Variants in ATCAY observed in about 807,000 individuals in gnomAD.
The protein encoded by ATCAY is ATCAY kinesin light chain interacting caytaxin.
ATCAY carries 22 observed loss-of-function variants against 47.7 expected under a neutral mutation model. The observed-to-expected ratio is 0.46, with a 90% CI of 0.33 to 0.66. The LOEUF (loss-of-function observed/expected upper bound fraction) is 0.66, where lower values mean the gene tolerates loss of function less well. Among genes scored for constraint, ATCAY ranks in the 30% least tolerant of loss-of-function variants. The pLI, the probability that ATCAY is intolerant of heterozygous loss-of-function variation, is 0.02. For synonymous variants in ATCAY, 216 were observed against 207.6 expected (o/e 1.04, Z -0.35); for missense variants, 452 against 515.0 (o/e 0.88, Z 1.18).
intron 2 of ATCAY, among the ~76,000 whole-genome samples, chr19:3,897,586 C>A (rs961115477): frequency 2.6e-5 from 4 of 151,972 alleles, no homozygotes; most frequent in African/African-American, 9.7e-5. Flanking sequence ...TGTGCCACCT[C>A]ATGCCCAGCC....
rs778950504 is a variant in ATCAY at position 3,907,847 on chromosome 19, A to G, written c.472A>G (p.Ile158Val). Residue 158 changes from isoleucine (I) to valine (V), a missense_variant, in exon 5 of 13, where the codon ATC becomes GTC. Physicochemically the swap from Ile to Val is conservative, Grantham distance 29. Coordinates refer to ENST00000450849, the MANE Select transcript of ATCAY (RefSeq NM_033064.5). This position sits in a 1 kb window ranked among gnomAD's most constrained non-coding sequence, Gnocchi z 5.1. The stretch of plus-strand genomic sequence containing the variant: ...CAACGGGCGCCTGTGGCGGACAGTG[A>G]TCATCGGGGAGCAAGAGCACCGTAT... ...AANGRLWRTV[I>V]IGEQEHRIDL... 5.0e-6 allele frequency: 8 copies of G among 1,613,826 alleles called. No individual in the cohort carries two copies. Among genetic ancestry groups the G allele is most frequent in the Non-Finnish European group, 5.9e-6 (7 of 1,179,858 alleles).
At position 3,922,169 on chromosome 19, in the gene ATCAY, C is replaced by G; in HGVS notation, c.1106+1371C>G. On this transcript the variant is annotated intron_variant, in intron 12 of 12. Transcript: ENST00000450849. ...CATGGCTTTTCTTAGCCTCCAGCCCCTGCACAGATCAAGCTGATGCCACGT... is the reference window on the plus strand; with the variant it reads ...CATGGCTTTTCTTAGCCTCCAGCCCGTGCACAGATCAAGCTGATGCCACGT... 3 of 702,338 alleles carry G rather than the reference C, an allele frequency of 4.3e-6. No homozygotes were observed. In the Admixed American group the frequency reaches 6.0e-5, roughly 14 times the overall value. The allele number at this position is 702,338 out of a possible 1,614,324, so 43.5% of individuals were successfully genotyped here. A position where few individuals can be genotyped will look rare whatever the true frequency, so the allele number is the denominator to read the frequency against.
chr19:3,914,235 C>CAGAAAAAA (rs564409927), intron 9 of ATCAY, among the ~76,000 whole-genome samples: 2 of 62,570 alleles, frequency 3.2e-5, no homozygotes, highest in South Asian at 6.5e-4. Flanking sequence ...GACTCCATCG[C>CAGAAAAAA]AAAAAAAAAA....
intron 2 of ATCAY, among the ~76,000 whole-genome samples, chr19:3,892,725 T>C (rs1431584869): frequency 6.6e-6 from 1 of 152,040 alleles, no homozygotes; most frequent in Non-Finnish European, 1.5e-5. Context: ...TAGGCCAACA[T>C]GGTGAAACCC....
At chr19:3,915,614 C>T (rs538434104) in intron 9 of ATCAY, among the ~76,000 whole-genome samples, 9 of 150,496 alleles carry the variant, frequency 6.0e-5, no homozygotes, top group East Asian at 1.9e-4. Flanking sequence ...TGCAGTGGCA[C>T]GATCTCGGGT....
At chr19:3,881,216 T>G (rs1568441389) in intron 1 of ATCAY, among the ~76,000 whole-genome samples, 1 of 151,886 alleles carries the variant, frequency 6.6e-6, no homozygotes. Flanking sequence ...CAACACAGTT[T>G]ACCTTCCGCG....
chr19:3,899,831 C>T (rs879781927), intron 2 of ATCAY, among the ~76,000 whole-genome samples: 3 of 152,116 alleles, frequency 2.0e-5, no homozygotes, highest in African/African-American at 4.8e-5. Context: ...GCCAAGGAGC[C>T]AGTGCTCCTG....
At chr19:3,893,543 A>G (rs1300262140) in intron 2 of ATCAY, 1 of 152,144 alleles carries the variant, frequency 6.6e-6, no homozygotes, top group Non-Finnish European at 1.5e-5. Flanking sequence ...CAGAGGGCTA[A>G]GTGGATATAT....
At chr19:3,903,982 CAA>C (rs59631453) in intron 3 of ATCAY, among the ~76,000 whole-genome samples, 5,311 of 78,942 alleles carry the variant, frequency 0.067, 304 homozygotes, top group African/African-American at 0.18. Flanking sequence ...ACTAAAGATA[CAA>C]AAAAAAAAAA....
At chr19:3,884,015 G>C (rs1277174950) in intron 1 of ATCAY, among the ~76,000 whole-genome samples, 1 of 151,970 alleles carries the variant, frequency 6.6e-6, no homozygotes, top group East Asian at 1.9e-4. Context: ...AAACTGGTGT[G>C]GGGGGTGGGG....
At chr19:3,913,639 TG>T in intron 8 of ATCAY, 118 bp from the exon 9 acceptor site, 1 of 717,520 alleles carries the variant, frequency 1.4e-6, no homozygotes, top group Admixed American at 2.2e-5. Flanking sequence ...TCGTCTGCAC[TG>T]GGGCATCCTG....
In ATCAY at chr19:3,924,931, T is replaced by C. The variant is rs4807529; in HGVS notation, c.*339T>C. ...GTGGCCTCCGCTCCTGCTCGCAGCC[T>C]CTGTGGTCAGAGCTGGATACAAGAT... On this transcript the variant is annotated 3_prime_UTR_variant, in exon 13 of 13. Coordinates refer to ENST00000450849, the MANE Select transcript of ATCAY (RefSeq NM_033064.5). 1 allele frequency: 308,983 copies of C among 309,994 alleles called. 153,986 individuals are homozygous for C. The highest frequency in any genetic ancestry group is 1 in the Middle Eastern group (1,004 of 1,004). 19.2% of individuals were successfully genotyped at this position (309,994 alleles called of 1,614,324 possible).
At chr19:3,902,431 T>C in intron 2 of ATCAY, 56 bp from the exon 3 acceptor site, 1 of 1,532,014 alleles carries the variant, frequency 6.5e-7, no homozygotes, top group South Asian at 1.2e-5. Context: ...TCCACTGTCC[T>C]CTGCCTGAAT....
Position 3,917,764 on chromosome 19 carries a change from G to T in ATCAY, c.988G>T (p.Ala330Ser). The T allele has an allele frequency of 1.2e-6, 2 of 1,613,472 alleles. No individual in the cohort carries two copies. Among genetic ancestry groups the T allele is most frequent in the Non-Finnish European group, 1.7e-6 (2 of 1,179,768 alleles). Residue 330 changes from alanine to serine, a missense_variant, in exon 10 of 13, where the codon GCC becomes TCC. Transcript: ENST00000450849. ...CAGATACGAAGAGGAAAGACTGAAG[G>T]CCAGGAGGGAGAGGTGTGTGCAGAG... ...VLQYEEERLK[A>S]RRESARPQPE...
intron 9 of ATCAY, among the ~76,000 whole-genome samples, chr19:3,916,783 T>TTTG (rs957580287): frequency 7.4e-5 from 11 of 149,528 alleles, no homozygotes; most frequent in Admixed American, 5.3e-4. Flanking sequence ...CAGCCTGTTT[T>TTTG]TTGTTGTTGT....
intron 2 of ATCAY, among the ~76,000 whole-genome samples, chr19:3,890,225 A>G (rs2038703475): frequency 9.4e-6 from 1 of 106,816 alleles, no homozygotes; most frequent in South Asian, 3.2e-4. Context: ...GGTGTGAGCC[A>G]TTGGGCCCAG....
chr19:3,921,816 G>C (rs1599149719), intron 12 of ATCAY, among the ~76,000 whole-genome samples: 1 of 151,854 alleles, frequency 6.6e-6, no homozygotes, highest in Non-Finnish European at 1.5e-5. Context: ...AGAATTGCTT[G>C]AACCTGGGAG....
chr19:3,897,627 G>C (rs1249241692), intron 2 of ATCAY, among the ~76,000 whole-genome samples: 1 of 151,922 alleles, frequency 6.6e-6, no homozygotes, highest in Non-Finnish European at 1.5e-5. Flanking sequence ...TTGAGGTGAG[G>C]CCAAGTACAG....
chr19:3,924,745 A>T lies in ATCAY; in HGVS notation c.*153A>T. 1 of 738,500 alleles carries T rather than the reference A, an allele frequency of 1.4e-6. No individual in the cohort carries two copies. The highest frequency in any genetic ancestry group is 2.7e-5 in the East Asian group (1 of 36,618). 45.7% of individuals were successfully genotyped at this position (738,500 alleles called of 1,614,324 possible). ...CCTCCGTTCATCTCTGAAACCCAGCATCCTTTTCAGCTGCTTGAAAACATT... is the reference window on the plus strand; with the variant it reads ...CCTCCGTTCATCTCTGAAACCCAGCTTCCTTTTCAGCTGCTTGAAAACATT... On this transcript the variant is annotated 3_prime_UTR_variant, in exon 13 of 13. Coordinates refer to ENST00000450849, the MANE Select transcript of ATCAY (RefSeq NM_033064.5).
Sources: gnomAD v4.1 joint callset for allele counts (sites outside exome capture counted in the v4.1 genomes callset) on GRCh38, gnomAD v4.1.1 for gene constraint, Gnocchi (gnomAD v3.1) non-coding constraint, MANE v1.5 for transcripts, NCBI Gene and HGNC (gene_info 2026-07-23, HGNC 2026-07-21) for gene names.